Variants in KCNMA1 observed in about 807,000 individuals in gnomAD.
KCNMA1 encodes the protein potassium calcium-activated channel subfamily M alpha 1.
A neutral mutation model predicts 140.0 loss-of-function variants in KCNMA1; 29 were observed. The observed-to-expected ratio is 0.21, with a 90% CI of 0.15 to 0.28. KCNMA1 has a LOEUF of 0.28. KCNMA1 is among the 10% of genes least tolerant of loss of function. KCNMA1 has a pLI of 1.00. For missense variants in KCNMA1, 880 were observed against 1,602.2 expected, an observed-to-expected ratio of 0.55 and a Z score of 7.70; for synonymous variants, 612 against 611.9, an observed-to-expected ratio of 1.00 and a Z score of 0.00.
chr10:77,240,211 A>T (rs1304738861), intron 3 of KCNMA1, among the ~76,000 whole-genome samples: 1 of 152,228 alleles, frequency 6.6e-6, no homozygotes, highest in East Asian at 1.9e-4. Context: ...GTTCTTAAAC[A>T]AACAGAGTGT....
intron 2 of KCNMA1, 64 bp downstream of exon 2, chr10:77,403,798 T>C: frequency 1.3e-6 from 2 of 1,530,502 alleles, no homozygotes; most frequent in Non-Finnish European, 1.8e-6. Context: ...TCACGTCTCA[T>C]AAGCAAAGCC....
intron 20 of KCNMA1, among the ~76,000 whole-genome samples, chr10:76,968,298 C>T (rs975749569): frequency 2.6e-5 from 4 of 151,972 alleles, no homozygotes; most frequent in Admixed American, 2.6e-4. Flanking sequence ...ATCTTGGTAC[C>T]CAAGAGCCAA....
At chr10:77,132,450 A>G (rs1039528826) in intron 5 of KCNMA1, among the ~76,000 whole-genome samples, 3 of 152,168 alleles carry the variant, frequency 2.0e-5, no homozygotes, top group East Asian at 1.9e-4. Context: ...AAATAACATT[A>G]AAGTGTCCTA....
intron 1 of KCNMA1, among the ~76,000 whole-genome samples, chr10:77,428,150 A>T (rs2097066228): frequency 6.6e-6 from 1 of 152,148 alleles, no homozygotes; most frequent in Admixed American, 6.5e-5. Context: ...ATCACAGCTG[A>T]TATCTCTAGA....
intron 1 of KCNMA1, among the ~76,000 whole-genome samples, chr10:77,627,312 C>G (rs755426778): frequency 6.6e-6 from 1 of 152,178 alleles, no homozygotes; most frequent in African/African-American, 2.4e-5. Context: ...ACAACCCCCA[C>G]GTGAAACTGA....
At chr10:77,558,255 A>G (rs1452439379) in intron 1 of KCNMA1, among the ~76,000 whole-genome samples, 3 of 152,192 alleles carry the variant, frequency 2.0e-5, no homozygotes, top group Non-Finnish European at 4.4e-5. Context: ...AGATGGTAGG[A>G]CATGCCTCGT....
intron 5 of KCNMA1, among the ~76,000 whole-genome samples, chr10:77,154,999 G>A (rs865932214): frequency 5.9e-5 from 9 of 152,166 alleles, no homozygotes; most frequent in Non-Finnish European, 1.2e-4. Flanking sequence ...AGGGGACGCA[G>A]GGGCAAGTGC....
At chr10:77,179,964 C>T (rs760386696) in intron 5 of KCNMA1, among the ~76,000 whole-genome samples, 5 of 152,172 alleles carry the variant, frequency 3.3e-5, no homozygotes, top group Non-Finnish European at 5.9e-5. Context: ...CTGTACTATA[C>T]AACACGCAAT....
At chr10:77,417,778 A>G (rs1344322686) in intron 1 of KCNMA1, among the ~76,000 whole-genome samples, 1 of 152,122 alleles carries the variant, frequency 6.6e-6, no homozygotes, top group Non-Finnish European at 1.5e-5. Context: ...GGGTCAAAAG[A>G]GCTGTCCCAA....
intron 9 of KCNMA1, among the ~76,000 whole-genome samples, chr10:77,093,880 T>C (rs1281229619): frequency 6.6e-6 from 1 of 152,226 alleles, no homozygotes; most frequent in African/African-American, 2.4e-5. Context: ...GATGCCTACA[T>C]ATCTACCATG....
chr10:77,386,394 A>G (rs2095604297), intron 2 of KCNMA1, among the ~76,000 whole-genome samples: 1 of 152,186 alleles, frequency 6.6e-6, no homozygotes, highest in Admixed American at 6.5e-5. Flanking sequence ...CTGGAAGGGG[A>G]AGAGGAAGAA....
chr10:77,306,522 C>G (rs562804947), intron 2 of KCNMA1, among the ~76,000 whole-genome samples: 2 of 152,250 alleles, frequency 1.3e-5, no homozygotes, highest in East Asian at 3.9e-4. Context: ...TAAAGAATGA[C>G]AAAAATTCTG....
chr10:77,161,753 C>T (rs1332924036), intron 5 of KCNMA1, among the ~76,000 whole-genome samples: 1 of 152,182 alleles, frequency 6.6e-6, no homozygotes, highest in Non-Finnish European at 1.5e-5. Context: ...CATTTAAATG[C>T]ATGTCTTCTC....
intron 1 of KCNMA1, among the ~76,000 whole-genome samples, chr10:77,515,336 T>G (rs2050022869): frequency 6.6e-6 from 1 of 152,052 alleles, no homozygotes; most frequent in African/African-American, 2.4e-5. Flanking sequence ...ATCCAGATTT[T>G]TATCCAAAAT....
At chr10:77,503,809 G>T (rs1475372341) in intron 1 of KCNMA1, among the ~76,000 whole-genome samples, 1 of 152,246 alleles carries the variant, frequency 6.6e-6, no homozygotes, top group African/African-American at 2.4e-5. Flanking sequence ...GCTGCCACAA[G>T]TGCTGCGGGA....
At chr10:77,481,023 G>A (rs1385716276) in intron 1 of KCNMA1, among the ~76,000 whole-genome samples, 1 of 151,260 alleles carries the variant, frequency 6.6e-6, no homozygotes, top group Non-Finnish European at 1.5e-5. Context: ...GGGAGGCTAA[G>A]GCAGGAGAAT....
At chr10:77,239,026 C>T (rs2056475392) in intron 3 of KCNMA1, among the ~76,000 whole-genome samples, 2 of 152,200 alleles carry the variant, frequency 1.3e-5, no homozygotes, top group African/African-American at 4.8e-5. Flanking sequence ...CCGCCAAATG[C>T]ACCCTCCTTG....
chr10:77,415,942 T>C lies in KCNMA1; in HGVS notation c.379-11919A>G, dbSNP rs149937490. Among the ~76,000 whole-genome samples, 1,066 of 152,380 alleles carry C rather than the reference T, an allele frequency of 7.0e-3. 7 individuals carry two copies. The highest frequency in any genetic ancestry group is 8.9e-3 in the Non-Finnish European group (603 of 68,040). On this transcript the variant is annotated intron_variant, in intron 1 of 27. Coordinates refer to ENST00000286628, the MANE Select transcript of KCNMA1 (RefSeq NM_001161352.2). ...GTTGGGTATTAACATGTCCTTTTAA[T>C]GAAATGACAATGGTGGCAGAGCTGG...
In KCNMA1 at chr10:77,387,607, C is replaced by CTTTCTTTTCTTTTCTTTTCT. The variant is rs796705269; in HGVS notation, c.540+16235_540+16254dup. ...TTTCTCTTTTCTTTTCTTTTCTTTTCTTTCTTTTCTTTTCTTTTCTTTTCT... is the reference window on the plus strand; with the variant it reads ...TTTCTCTTTTCTTTTCTTTTCTTTTCTTTCTTTTCTTTTCTTTTCTTTTCTTTTCTTTTCTTTTCTTTTCT... On this transcript the variant is annotated intron_variant, in intron 2 of 27. Coordinates refer to ENST00000286628, the MANE Select transcript of KCNMA1 (RefSeq NM_001161352.2). Among the ~76,000 whole-genome samples, 291 of 114,216 alleles carry CTTTCTTTTCTTTTCTTTTCT rather than the reference C, an allele frequency of 2.5e-3. 2 individuals are homozygous for CTTTCTTTTCTTTTCTTTTCT. The highest frequency in any genetic ancestry group is 9.6e-3 in the African/African-American group (272 of 28,286). The allele number at this position is 114,216 out of a possible 152,430, so 74.9% of individuals were successfully genotyped here.
Sources: allele counts gnomAD v4.1 joint callset (sites outside exome capture counted in the v4.1 genomes callset), GRCh38; gene constraint gnomAD v4.1.1; transcripts MANE v1.5; gene names NCBI Gene and HGNC (gene_info 2026-07-23, HGNC 2026-07-21).